Variants in ESRRG observed in about 807,000 individuals in gnomAD.
The protein encoded by ESRRG is estrogen related receptor gamma, also known as estrogen-related receptor gamma.
A neutral mutation model predicts 44.0 loss-of-function variants in ESRRG; 13 were observed. The ratio of observed to expected loss-of-function variants is 0.30; its 90% confidence interval spans 0.19 to 0.47. The LOEUF (loss-of-function observed/expected upper bound fraction) is 0.47. Among genes scored for constraint, ESRRG ranks in the 20% least tolerant of loss-of-function variants. The pLI, the probability that ESRRG is intolerant of heterozygous loss-of-function variation, is 1.00. For missense variants in ESRRG, 395 were observed against 580.6 expected (o/e 0.68, Z 3.29); for synonymous variants, 215 against 214.6 (o/e 1.00, Z -0.02).
intron 1 of ESRRG, among the ~76,000 whole-genome samples, chr1:216,986,460 T>C (rs1233513978): frequency 6.6e-6 from 1 of 152,010 alleles, no homozygotes; most frequent in African/African-American, 2.4e-5. Context: ...ATGCCTCTAA[T>C]CCCAGCACTT....
At chr1:216,670,617 T>C (rs11572695) in intron 2 of ESRRG, among the ~76,000 whole-genome samples, 311 of 152,292 alleles carry the variant, frequency 2.0e-3, no homozygotes, top group Non-Finnish European at 3.2e-3. Flanking sequence ...CACAAGCCCA[T>C]GGAAGTGCCA....
At chr1:216,588,267 A>C (rs1464983208) in intron 3 of ESRRG, among the ~76,000 whole-genome samples, 1 of 152,172 alleles carries the variant, frequency 6.6e-6, no homozygotes, top group Non-Finnish European at 1.5e-5. Context: ...AAACTTACAA[A>C]TTATATTGCT....
chr1:216,517,949 C>A lies in ESRRG; in HGVS notation c.1132+1203G>T, dbSNP rs556095434. Among the ~76,000 whole-genome samples, 8 of 152,226 alleles carry A rather than the reference C, an allele frequency of 5.3e-5. No homozygotes were observed. The South Asian group carries it at 1.2e-3, about 24-fold the overall frequency. The stretch of plus-strand genomic sequence containing the variant: ...ACAACTCCATTGTTGAAAACAATTT[C>A]CCTCCTATCAGTCTAAGGATTCATG... On this transcript the variant is annotated intron_variant, in intron 6 of 6. Transcript: ENST00000408911.
At chr1:216,951,890 CATAT>C (rs59850514) in intron 1 of ESRRG, among the ~76,000 whole-genome samples, 2 of 149,358 alleles carry the variant, frequency 1.3e-5, no homozygotes, top group African/African-American at 2.5e-5. Flanking sequence ...CATATGTTTG[CATAT>C]ATATATATAT....
At chr1:216,792,585 G>A (rs929792263) in intron 2 of ESRRG, among the ~76,000 whole-genome samples, 1 of 152,126 alleles carries the variant, frequency 6.6e-6, no homozygotes, top group African/African-American at 2.4e-5. Context: ...ATGCATACAG[G>A]CTCTGGCATA....
intron 3 of ESRRG, among the ~76,000 whole-genome samples, chr1:216,589,621 A>G (rs1273039666): frequency 1.3e-5 from 2 of 152,122 alleles, no homozygotes; most frequent in Non-Finnish European, 2.9e-5. Flanking sequence ...AACTAAGGGA[A>G]GAGAAACCAT....
At chr1:216,810,052 A>G (rs138460593) in intron 2 of ESRRG, among the ~76,000 whole-genome samples, 2 of 152,294 alleles carry the variant, frequency 1.3e-5, no homozygotes, top group Middle Eastern at 3.4e-3. Context: ...ACATGAAAGC[A>G]CTATGACACA....
At position 216,568,109 on chromosome 1, in the gene ESRRG, A is replaced by C. The variant is rs2060007866; in HGVS notation, c.590-11T>G. The C allele has an allele frequency of 8.8e-6, 14 of 1,584,590 alleles. No individual in the cohort carries two copies. Among genetic ancestry groups the C allele is most frequent in the Non-Finnish European group, 9.5e-6 (11 of 1,153,220 alleles). On this transcript the variant is annotated splice_polypyrimidine_tract_variant and intron_variant, in intron 3 of 6. Coordinates refer to ENST00000408911, the MANE Select transcript of ESRRG (RefSeq NM_001438.4). ...TGTCAAGACGCACCCCTGTGAGCAA[A>C]GACAGGCACCGGCTTACTATTAAGG...
At chr1:216,532,774 T>C (rs2049773207) in intron 5 of ESRRG, among the ~76,000 whole-genome samples, 3 of 152,212 alleles carry the variant, frequency 2.0e-5, no homozygotes, top group Admixed American at 1.3e-4. Context: ...AGGGAAGTTT[T>C]AGTCTCCCAT....
At chr1:216,638,215 A>G (rs2065689746) in intron 3 of ESRRG, among the ~76,000 whole-genome samples, 1 of 152,216 alleles carries the variant, frequency 6.6e-6, no homozygotes, top group Non-Finnish European at 1.5e-5. Flanking sequence ...TGCTGTACCA[A>G]GAATATTACA....
upstream of ESRRG, chr1:217,090,327 GC>G (rs2092316889): frequency 6.6e-6 from 1 of 152,118 alleles, no homozygotes. Flanking sequence ...GGAAGGAAGA[GC>G]CCCCTCAGCC....
intron 1 of ESRRG, among the ~76,000 whole-genome samples, chr1:217,034,536 G>A (rs2082554927): frequency 1.3e-5 from 2 of 152,130 alleles, no homozygotes; most frequent in African/African-American, 4.8e-5. Flanking sequence ...CTGGCCTTCT[G>A]CAGCAAGCTT....
intron 2 of ESRRG, among the ~76,000 whole-genome samples, chr1:216,929,027 G>A (rs189346492): frequency 1.1e-3 from 174 of 152,240 alleles, no homozygotes; most frequent in Non-Finnish European, 2.2e-3. Flanking sequence ...AGAGATGGAT[G>A]ATGAACAAGA....
At chr1:216,996,237 A>G (rs943666375) in intron 1 of ESRRG, among the ~76,000 whole-genome samples, 18 of 152,170 alleles carry the variant, frequency 1.2e-4, no homozygotes, top group African/African-American at 4.1e-4. Flanking sequence ...GCAAAGAGGA[A>G]AAAGAGGAGG....
At chr1:217,018,563 C>A (rs990179996) in intron 1 of ESRRG, among the ~76,000 whole-genome samples, 2 of 152,130 alleles carry the variant, frequency 1.3e-5, no homozygotes, top group Non-Finnish European at 2.9e-5. Flanking sequence ...TCCCCATCCA[C>A]AAAGCCCATA....
chr1:217,065,927 GC>G (rs1426299020), intron 1 of ESRRG, among the ~76,000 whole-genome samples: 3 of 152,124 alleles, frequency 2.0e-5, no homozygotes, highest in African/African-American at 7.2e-5. Flanking sequence ...TGTTGTCATT[GC>G]CCTGTTCCTT....
chr1:216,598,652 G>T (rs2058765673), intron 3 of ESRRG, among the ~76,000 whole-genome samples: 1 of 152,104 alleles, frequency 6.6e-6, no homozygotes, highest in Admixed American at 6.6e-5. Context: ...ATCACTTAAA[G>T]TCATGCTGTG....
chr1:216,691,305 T>C (rs1331155371), intron 1 of ESRRG, among the ~76,000 whole-genome samples: 1 of 152,146 alleles, frequency 6.6e-6, no homozygotes, highest in Non-Finnish European at 1.5e-5. Flanking sequence ...GTAGAACGTA[T>C]TAGGGAGAAA....
intron 1 of ESRRG, among the ~76,000 whole-genome samples, chr1:217,051,976 C>T (rs1459171988): frequency 6.6e-6 from 1 of 151,524 alleles, no homozygotes; most frequent in Non-Finnish European, 1.5e-5. Context: ...TTGCTATGTT[C>T]CCCAGGCTGA....
Sources: gnomAD v4.1 joint callset for allele counts (sites outside exome capture counted in the v4.1 genomes callset) on GRCh38, gnomAD v4.1.1 for gene constraint, MANE v1.5 for transcripts, NCBI Gene and HGNC (gene_info 2026-07-23, HGNC 2026-07-21) for gene names.